SLC2A9: variants seen among roughly 807,000 people sequenced by gnomAD.
SLC2A9 encodes solute carrier family 2, facilitated glucose transporter member 9.
In SLC2A9, 39 loss-of-function variants were observed where a neutral mutation model predicts 50.6. The observed-to-expected ratio is 0.77, with a 90% CI of 0.60 to 1.01. The LOEUF (loss-of-function observed/expected upper bound fraction) is 1.01. SLC2A9 is among the 50% of genes least tolerant of loss of function. The pLI, the probability that SLC2A9 is intolerant of heterozygous loss-of-function variation, is 0.00. For missense variants in SLC2A9, 686 were observed against 677.6 expected (o/e 1.01, Z -0.14); for synonymous variants, 324 against 276.9 (o/e 1.17, Z -1.69).
At position 10,010,147 on chromosome 4, in the gene SLC2A9, A is replaced by G. The variant is rs190502488; in HGVS notation, c.249+8828T>C. On this transcript the variant is annotated intron_variant, in intron 2 of 11. Coordinates refer to ENST00000264784, the MANE Select transcript of SLC2A9 (RefSeq NM_020041.3). ...GGGAAGAGAGGAGGACCAAAGATTG[A>G]GTTCAACCTTATGGCCAATGATTTG... Among the ~76,000 whole-genome samples, 11 of 152,320 alleles carry G rather than the reference A, an allele frequency of 7.2e-5. No homozygotes were observed. In the East Asian group the frequency reaches 2.1e-3, roughly 29 times the overall value.
At chr4:9,947,940 C>T (rs1162267407) in intron 5 of SLC2A9, among the ~76,000 whole-genome samples, 1 of 152,160 alleles carries the variant, frequency 6.6e-6, no homozygotes, top group South Asian at 2.1e-4. Flanking sequence ...TGGTATGTCC[C>T]CTCCTCTAGG....
At chr4:9,782,135 C>T in intron 3 of SLC2A9, 1 of 1,562,520 alleles carries the variant, frequency 6.4e-7, no homozygotes, top group Non-Finnish European at 8.7e-7. Context: ...GGCACCGCCA[C>T]TGGGGCCCTC....
At chr4:10,031,901 G>A (rs13135351) in intron 1 of SLC2A9, among the ~76,000 whole-genome samples, 13,836 of 152,284 alleles carry the variant, frequency 0.091, 1,150 homozygotes, top group East Asian at 0.46. Context: ...GAGGTCACAG[G>A]CATAAAAAGA....
intron 10 of SLC2A9, chr4:9,878,929 A>G (rs1734735586): frequency 1.6e-6 from 1 of 609,382 alleles, no homozygotes. Flanking sequence ...GTTTGGTGTC[A>G]AAATACACAC....
chr4:10,026,307 T>G (rs1763750212), upstream of SLC2A9, among the ~76,000 whole-genome samples: 1 of 152,190 alleles, frequency 6.6e-6, no homozygotes, highest in Non-Finnish European at 1.5e-5. Context: ...CCCCGGGCTA[T>G]GTACAAAAAT....
At chr4:10,030,296 C>G (rs895771640) in intron 1 of SLC2A9, among the ~76,000 whole-genome samples, 1 of 151,980 alleles carries the variant, frequency 6.6e-6, no homozygotes, top group African/African-American at 2.4e-5. Flanking sequence ...ATCTATATAC[C>G]AAAAGATCAC....
In SLC2A9 at chr4:9,990,277, A is replaced by T. The variant is rs190346690; in HGVS notation, c.411-4484T>A. ...AAGCAAGGATGGCCACACTGGGGAG[A>T]TGTGATAGAAAAATTCAAGCATCGA... On this transcript the variant is annotated intron_variant, in intron 3 of 11. Transcript: ENST00000264784. Among the ~76,000 whole-genome samples, 1,416 of 152,154 alleles carry T rather than the reference A, an allele frequency of 9.3e-3. 90 individuals are homozygous for T. Among genetic ancestry groups the T allele is most frequent in the Admixed American group, 0.087 (1,329 of 15,264 alleles).
Position 10,021,342 on chromosome 4 carries a change from C to T in SLC2A9, c.88G>A (p.Gly30Arg), listed in dbSNP as rs1200348506. The change falls in exon 1 of 12, where the codon GGG (glycine) becomes AGG (arginine). Residue 30 changes from glycine (G) to arginine (R), a missense_variant. Transcript: ENST00000264784. ...TGGTCACACTCCAGCAGTGCCCTCC[C>T]TGGCCCTGGAGGCCCGGCGTGGCTG... The part of the protein sequence containing the change: ...DTSHAGPPGP[G>R]RALLECDHLR... 1 of 1,614,132 alleles carries T rather than the reference C, an allele frequency of 6.2e-7. No homozygotes were observed. Among genetic ancestry groups the T allele is most frequent in the Non-Finnish European group, 8.5e-7 (1 of 1,180,056 alleles).
downstream of SLC2A9, among the ~76,000 whole-genome samples, chr4:9,774,858 C>T (rs1717335277): frequency 6.6e-6 from 1 of 151,872 alleles, no homozygotes; most frequent in Non-Finnish European, 1.5e-5. Flanking sequence ...CTATATGGGC[C>T]TCATTCCTTC....
chr4:9,931,201 C>T (rs1390761410), intron 6 of SLC2A9, among the ~76,000 whole-genome samples: 1 of 152,210 alleles, frequency 6.6e-6, no homozygotes, highest in African/African-American at 2.4e-5. Context: ...CCCCTGAATG[C>T]ATGTTCCCCA....
In SLC2A9 at chr4:9,890,634, G is replaced by A; in HGVS notation, c.1191C>T (p.Thr397=). The change falls in exon 9 of 12, where the codon ACC becomes ACT. Residue 397 remains threonine (T), a synonymous_variant. Coordinates refer to ENST00000264784, the MANE Select transcript of SLC2A9 (RefSeq NM_020041.3). ...GFGLMGLFFG[T]LTITLTLQDH... ...CCTGCAGGGTCAGCGTGATGGTGAG[G>A]GTCCCAAAGAAGAGGCCCATGAGCC... The A allele has an allele frequency of 6.2e-7, 1 of 1,614,116 alleles. No homozygotes were observed. Among genetic ancestry groups the A allele is most frequent in the African/African-American group, 1.3e-5 (1 of 75,030 alleles).
chr4:9,772,246 G>A (rs1378551914), intron 1 of SLC2A9, among the ~76,000 whole-genome samples: 2 of 152,158 alleles, frequency 1.3e-5, no homozygotes, highest in Non-Finnish European at 2.9e-5. Flanking sequence ...ATTAGGAGGT[G>A]GCACTGGGGA....
intron 10 of SLC2A9, among the ~76,000 whole-genome samples, chr4:9,861,257 A>G (rs1731580723): frequency 6.6e-6 from 1 of 152,174 alleles, no homozygotes. Flanking sequence ...GGTGTCTCAC[A>G]TGATGGCAGC....
chr4:9,905,328 C>T lies in SLC2A9; in HGVS notation c.1113+2907G>A, dbSNP rs1311952822. 3.3e-5 allele frequency among the ~76,000 whole-genome samples: 5 copies of T among 152,254 alleles called. No individual in the cohort carries two copies. In the East Asian group the frequency reaches 9.6e-4, roughly 29 times the overall value. On this transcript the variant is annotated intron_variant, in intron 8 of 11. Coordinates refer to ENST00000264784, the MANE Select transcript of SLC2A9 (RefSeq NM_020041.3). ...CCATTGGACTGTGAGCTCCTACAGGCAGGCACCATGGCAAAGGCCCTCTGT... is the reference window on the plus strand; with the variant it reads ...CCATTGGACTGTGAGCTCCTACAGGTAGGCACCATGGCAAAGGCCCTCTGT...
downstream of SLC2A9, among the ~76,000 whole-genome samples, chr4:9,794,881 TG>T (rs1216108057): frequency 2.6e-5 from 4 of 152,112 alleles, no homozygotes; most frequent in Non-Finnish European, 5.9e-5. Context: ...CGTGGGTGTA[TG>T]AGCCGAGGAC....
At chr4:9,860,358 G>A (rs1731416572) in intron 10 of SLC2A9, among the ~76,000 whole-genome samples, 1 of 152,234 alleles carries the variant, frequency 6.6e-6, no homozygotes, top group African/African-American at 2.4e-5. Context: ...ATGGATTCAT[G>A]AGTGGTGAAG....
chr4:9,870,921 A>AT (rs1733326192), intron 10 of SLC2A9, among the ~76,000 whole-genome samples: 1 of 151,958 alleles, frequency 6.6e-6, no homozygotes, highest in Non-Finnish European at 1.5e-5. Context: ...ACTTAGGAAG[A>AT]TTTTTTTGGG....
At chr4:10,038,793 C>A (rs1038732070) in intron 1 of SLC2A9, among the ~76,000 whole-genome samples, 1 of 152,174 alleles carries the variant, frequency 6.6e-6, no homozygotes, top group Non-Finnish European at 1.5e-5. Flanking sequence ...GAACTTGATT[C>A]TTAGGCATGG....
intron 5 of SLC2A9, among the ~76,000 whole-genome samples, chr4:9,944,545 C>T (rs951413832): frequency 1.3e-5 from 2 of 152,160 alleles, no homozygotes; most frequent in African/African-American, 4.8e-5. Context: ...AAGGTGGATT[C>T]TTTAAACCTC....
Sources: allele counts gnomAD v4.1 joint callset (sites outside exome capture counted in the v4.1 genomes callset), GRCh38; gene constraint gnomAD v4.1.1; transcripts MANE v1.5; gene names NCBI Gene and HGNC (gene_info 2026-07-23, HGNC 2026-07-21).